PPARGC1A: variants seen among roughly 807,000 people sequenced by gnomAD.
PPARGC1A encodes the protein PPARG coactivator 1 alpha.
Under a neutral mutation model 88.7 loss-of-function variants are expected in PPARGC1A, and 25 were observed. The ratio of observed to expected loss-of-function variants is 0.28; its 90% CI spans 0.21 to 0.39. PPARGC1A has a LOEUF of 0.39. PPARGC1A is among the 10% of genes least tolerant of loss of function. The pLI, the probability that PPARGC1A is intolerant of heterozygous loss-of-function variation, is 1.00. For missense variants in PPARGC1A, 880 were observed against 968.7 expected (o/e 0.91, Z 1.22); for synonymous variants, 363 against 355.6 (o/e 1.02, Z -0.24).
intron 2 of PPARGC1A, among the ~76,000 whole-genome samples, chr4:23,868,820 G>C (rs117554116): frequency 6.6e-6 from 1 of 152,170 alleles, no homozygotes; most frequent in Non-Finnish European, 1.5e-5. Flanking sequence ...TGACAATACC[G>C]TTTATGGAAA....
At chr4:23,857,721 G>C (rs368666948) in intron 2 of PPARGC1A, among the ~76,000 whole-genome samples, 2 of 151,550 alleles carry the variant, frequency 1.3e-5, no homozygotes, top group Non-Finnish European at 2.9e-5. Flanking sequence ...GATACACACC[G>C]AGAGCCAGTA....
At chr4:24,114,235 G>A in the PPARGC1A span, among the ~76,000 whole-genome samples, 1 of 151,260 alleles carries the variant, frequency 6.6e-6, no homozygotes, top group African/African-American at 2.4e-5. Context: ...AGTAAAAAAT[G>A]AACTGATACA....
intron 1 of PPARGC1A, among the ~76,000 whole-genome samples, chr4:23,885,967 T>C (rs1716804952): frequency 6.6e-6 from 1 of 152,188 alleles, no homozygotes; most frequent in South Asian, 2.1e-4. Context: ...ATGCGGCTTT[T>C]GGAGGCAAGT....
At chr4:24,406,659 G>A in the PPARGC1A span, among the ~76,000 whole-genome samples, 2 of 152,174 alleles carry the variant, frequency 1.3e-5, no homozygotes, top group African/African-American at 2.4e-5. Flanking sequence ...CCACAGAGCT[G>A]AGCATACACA....
chr4:24,364,657 C>A, the PPARGC1A span, among the ~76,000 whole-genome samples: 680 of 152,266 alleles, frequency 4.5e-3, no homozygotes, highest in Non-Finnish European at 7.0e-3. Context: ...TTCCTGAGAG[C>A]AAATAATTCC....
intron 2 of PPARGC1A, among the ~76,000 whole-genome samples, chr4:23,857,830 G>C (rs569304355): frequency 2.0e-5 from 3 of 151,652 alleles, no homozygotes; most frequent in Non-Finnish European, 2.9e-5. Context: ...TTGCAGTTTA[G>C]TTCCCAGGCT....
At chr4:24,464,885 G>C in the PPARGC1A span, among the ~76,000 whole-genome samples, 1 of 152,102 alleles carries the variant, frequency 6.6e-6, no homozygotes, top group Non-Finnish European at 1.5e-5. Context: ...ACCTCTTCTG[G>C]TCAAGGTGAG....
the PPARGC1A span, among the ~76,000 whole-genome samples, chr4:24,080,698 T>A: frequency 6.6e-6 from 1 of 152,148 alleles, no homozygotes; most frequent in African/African-American, 2.4e-5. Context: ...TTTCCTTCCA[T>A]CTTCAATCAC....
At chr4:23,836,489 T>G (rs1309826531) in intron 2 of PPARGC1A, among the ~76,000 whole-genome samples, 1 of 152,220 alleles carries the variant, frequency 6.6e-6, no homozygotes, top group Non-Finnish European at 1.5e-5. Flanking sequence ...GAATTTCCAG[T>G]GACAGATGAT....
At chr4:23,862,260 G>T (rs757677627) in intron 2 of PPARGC1A, among the ~76,000 whole-genome samples, 1 of 152,238 alleles carries the variant, frequency 6.6e-6, no homozygotes, top group Admixed American at 6.5e-5. Context: ...TCTGCTAGAT[G>T]TTTAGGTAGA....
chr4:24,069,242 C>T, the PPARGC1A span, among the ~76,000 whole-genome samples: 1 of 152,100 alleles, frequency 6.6e-6, no homozygotes, highest in Non-Finnish European at 1.5e-5. Flanking sequence ...TCCTGTCTCC[C>T]TTGGTTGCCT....
intron 10 of PPARGC1A, among the ~76,000 whole-genome samples, chr4:23,807,821 T>C (rs1198756176): frequency 6.6e-6 from 1 of 152,046 alleles, no homozygotes; most frequent in Non-Finnish European, 1.5e-5. Context: ...ATAGCATAAT[T>C]AACTATAGGT....
chr4:23,885,860 C>T (rs1194466312), intron 1 of PPARGC1A, among the ~76,000 whole-genome samples: 1 of 152,186 alleles, frequency 6.6e-6, no homozygotes, highest in African/African-American at 2.4e-5. Flanking sequence ...TAAAATATCT[C>T]TACCATGGCT....
At chr4:23,931,549 C>T in the PPARGC1A span, among the ~76,000 whole-genome samples, 1 of 151,864 alleles carries the variant, frequency 6.6e-6, no homozygotes, top group Non-Finnish European at 1.5e-5. Flanking sequence ...GAAGGTGACC[C>T]ATTCACTCAC....
chr4:24,306,673 C>A, the PPARGC1A span, among the ~76,000 whole-genome samples: 1 of 152,158 alleles, frequency 6.6e-6, no homozygotes, highest in African/African-American at 2.4e-5. Context: ...CAATCAAAGA[C>A]AATATATACA....
chr4:23,931,605 T>C, the PPARGC1A span, among the ~76,000 whole-genome samples: 3 of 152,204 alleles, frequency 2.0e-5, no homozygotes, highest in African/African-American at 4.8e-5. Flanking sequence ...AAGAATCCAA[T>C]GTCATCTGAC....
the PPARGC1A span, among the ~76,000 whole-genome samples, chr4:24,070,785 T>C: frequency 3.3e-5 from 5 of 152,308 alleles, no homozygotes; most frequent in East Asian, 9.7e-4. Flanking sequence ...TTTAAAAAGA[T>C]AATATTCTGT....
the PPARGC1A span, among the ~76,000 whole-genome samples, chr4:24,008,355 C>T: frequency 2.0e-5 from 3 of 151,898 alleles, no homozygotes; most frequent in Non-Finnish European, 4.4e-5. Context: ...GCTTTTTTTC[C>T]CCCTTGGCAG....
chr4:24,467,552 A>G, the PPARGC1A span, among the ~76,000 whole-genome samples: 3 of 151,792 alleles, frequency 2.0e-5, no homozygotes, highest in East Asian at 5.8e-4. Context: ...GAAAGAAAGA[A>G]AAAAAAACAC....
Sources: gnomAD v4.1 joint callset for allele counts (sites outside exome capture counted in the v4.1 genomes callset) on GRCh38, gnomAD v4.1.1 for gene constraint, MANE v1.5 for transcripts, NCBI Gene and HGNC (gene_info 2026-07-23, HGNC 2026-07-21) for gene names.